The following SDK1 variants were observed in gnomAD, a reference collection of about 807,000 sequenced individuals.
SDK1 encodes sidekick cell adhesion molecule 1.
In SDK1, 157 loss-of-function variants were observed where a neutral mutation model predicts 245.5. The observed-to-expected ratio is 0.64, with a 90% CI of 0.56 to 0.73. The LOEUF is 0.73. Ranked by LOEUF, SDK1 falls within the 30% of genes least tolerant of loss-of-function variation. The pLI, the probability that SDK1 is intolerant of heterozygous loss-of-function variation, is 0.00. For synonymous variants in SDK1, 1,647 were observed against 1,278.5 expected (o/e 1.29, Z -6.15); for missense variants, 3,583 against 3,002.3 (o/e 1.19, Z -4.52).
chr7:3,596,336 G>A (rs1781061954), intron 1 of SDK1, among the ~76,000 whole-genome samples: 1 of 152,192 alleles, frequency 6.6e-6, no homozygotes, highest in African/African-American at 2.4e-5. Context: ...GTCTGACAGT[G>A]CCAGTGACCA....
At chr7:3,507,794 C>T (rs1183162633) in intron 1 of SDK1, among the ~76,000 whole-genome samples, 1 of 152,128 alleles carries the variant, frequency 6.6e-6, no homozygotes, top group Non-Finnish European at 1.5e-5. Flanking sequence ...GTTAGTCTCC[C>T]TTTGTCTTAA....
chr7:3,447,415 T>TACAC (rs150278083), intron 1 of SDK1, among the ~76,000 whole-genome samples: 21 of 151,932 alleles, frequency 1.4e-4, no homozygotes, highest in African/African-American at 1.9e-4. Context: ...CTCAAACAAG[T>TACAC]ACACACACAC....
At chr7:3,958,073 G>C (rs1048103585) in intron 7 of SDK1, 1 of 464,156 alleles carries the variant, frequency 2.2e-6, no homozygotes, top group East Asian at 7.0e-5. Context: ...AGTCAATATA[G>C]GAGGCATGCC....
chr7:4,224,110 A>T (rs1785283097), intron 40 of SDK1, among the ~76,000 whole-genome samples: 1 of 152,254 alleles, frequency 6.6e-6, no homozygotes, highest in Admixed American at 6.5e-5. Context: ...ACCTGGAGAC[A>T]CGAGTTCCCA....
chr7:4,145,544 TG>T (rs1169841015), intron 28 of SDK1, among the ~76,000 whole-genome samples, 177 bp from the exon 29 acceptor site: 1 of 152,006 alleles, frequency 6.6e-6, no homozygotes, highest in Non-Finnish European at 1.5e-5. Context: ...GAAATCCACG[TG>T]GGGCCCCACC....
chr7:3,667,911 A>T (rs1357331205), intron 4 of SDK1, among the ~76,000 whole-genome samples: 1 of 152,236 alleles, frequency 6.6e-6, no homozygotes, highest in Non-Finnish European at 1.5e-5. Context: ...AGAAACATTC[A>T]CAAATATGTT....
At chr7:4,072,752 G>A (rs1016759928) in intron 20 of SDK1, among the ~76,000 whole-genome samples, 10 of 152,200 alleles carry the variant, frequency 6.6e-5, no homozygotes, top group South Asian at 2.1e-4. Context: ...GATGACTGAC[G>A]GCTTGGGCCT....
chr7:4,248,927 A>T (rs1293272790), intron 44 of SDK1, among the ~76,000 whole-genome samples: 7 of 147,788 alleles, frequency 4.7e-5, no homozygotes, highest in Non-Finnish European at 1.0e-4. Context: ...ACATACACAT[A>T]TGTACATACA....
chr7:4,207,998 A>G (rs1784319885), intron 36 of SDK1, 101 bp from the exon 37 acceptor site: 3 of 863,944 alleles, frequency 3.5e-6, no homozygotes, highest in Non-Finnish European at 3.7e-6. Flanking sequence ...AGCTCGCCCC[A>G]GAACTCAGCT....
At chr7:4,020,889 G>C (rs553405227) in intron 17 of SDK1, among the ~76,000 whole-genome samples, 4 of 152,324 alleles carry the variant, frequency 2.6e-5, no homozygotes, top group Non-Finnish European at 5.9e-5. Flanking sequence ...GAGATACTAC[G>C]TGTGAAAAGG....
intron 30 of SDK1, among the ~76,000 whole-genome samples, chr7:4,151,076 G>A (rs1027830814): frequency 3.9e-5 from 6 of 152,268 alleles, no homozygotes; most frequent in East Asian, 3.9e-4. Context: ...TGCCAGTATC[G>A]CCTTTGCCAC....
intron 1 of SDK1, among the ~76,000 whole-genome samples, chr7:3,354,940 C>T (rs1780753075): frequency 6.6e-6 from 1 of 152,224 alleles, no homozygotes; most frequent in Non-Finnish European, 1.5e-5. Context: ...AGCCAACACT[C>T]ACTACATGTG....
chr7:3,743,344 A>T (rs1172015418), intron 4 of SDK1, among the ~76,000 whole-genome samples: 1 of 152,146 alleles, frequency 6.6e-6, no homozygotes, highest in Non-Finnish European at 1.5e-5. Context: ...CAGTCTTGCT[A>T]AGTCACAGAT....
At chr7:3,330,828 A>C (rs1780050586) in intron 1 of SDK1, among the ~76,000 whole-genome samples, 2 of 147,972 alleles carry the variant, frequency 1.4e-5, no homozygotes, top group South Asian at 2.1e-4. Flanking sequence ...AAAAAAAAAA[A>C]CCAGGTGTGG....
chr7:3,652,723 C>T (rs1783049021), intron 4 of SDK1, among the ~76,000 whole-genome samples: 1 of 152,066 alleles, frequency 6.6e-6, no homozygotes, highest in African/African-American at 2.4e-5. Flanking sequence ...TGATGGATAT[C>T]TTCAGTAAAG....
At chr7:3,386,166 T>A (rs1377031033) in intron 1 of SDK1, among the ~76,000 whole-genome samples, 1 of 152,180 alleles carries the variant, frequency 6.6e-6, no homozygotes, top group Non-Finnish European at 1.5e-5. Flanking sequence ...GAAATAAGAC[T>A]TGTTTTATGT....
intron 13 of SDK1, among the ~76,000 whole-genome samples, chr7:3,975,650 T>C (rs1782864809): frequency 6.6e-6 from 1 of 152,234 alleles, no homozygotes; most frequent in South Asian, 2.1e-4. Flanking sequence ...ACAGCTTTCC[T>C]GTAGTCCCTA....
At chr7:3,861,442 T>C (rs555490375) in intron 5 of SDK1, among the ~76,000 whole-genome samples, 2 of 152,310 alleles carry the variant, frequency 1.3e-5, no homozygotes, top group Non-Finnish European at 2.9e-5. Flanking sequence ...GCAGGCATTT[T>C]TGGGCTTGGG....
At chr7:3,954,252 C>A (rs112918322) in intron 7 of SDK1, among the ~76,000 whole-genome samples, 10 of 128,588 alleles carry the variant, frequency 7.8e-5, no homozygotes, top group East Asian at 4.7e-4. Context: ...CCCCTCCTGC[C>A]TCCCCTCTAC....
Sources: gnomAD v4.1 joint callset for allele counts (sites outside exome capture counted in the v4.1 genomes callset) on GRCh38, gnomAD v4.1.1 for gene constraint, MANE v1.5 for transcripts, NCBI Gene and HGNC (gene_info 2026-07-23, HGNC 2026-07-21) for gene names.